Variants in GPC5 observed in about 807,000 individuals in gnomAD.
GPC5 encodes glypican-5.
GPC5 carries 47 observed loss-of-function variants against 53.9 expected under a neutral mutation model. That is an observed-to-expected ratio of 0.87 (90% CI 0.69 to 1.11). The LOEUF is 1.11. GPC5 is among the 50% of genes most tolerant of loss of function. The pLI, the probability that GPC5 is intolerant of heterozygous loss-of-function variation, is 0.00. For synonymous variants in GPC5, 286 were observed against 263.3 expected, an observed-to-expected ratio of 1.09 and a Z score of -0.84; for missense variants, 748 against 713.1, an observed-to-expected ratio of 1.05 and a Z score of -0.56.
At chr13:91,953,980 C>T (rs1295878061) in intron 6 of GPC5, among the ~76,000 whole-genome samples, 22 of 152,140 alleles carry the variant, frequency 1.4e-4, no homozygotes, top group Admixed American at 1.4e-3. Context: ...TCTATGCCAA[C>T]ATGCATGAAC....
intron 1 of GPC5, among the ~76,000 whole-genome samples, chr13:91,442,574 G>A (rs889329900): frequency 3.3e-5 from 5 of 152,122 alleles, no homozygotes; most frequent in Non-Finnish European, 5.9e-5. Flanking sequence ...TTGAGAATCT[G>A]GACCATTTGG....
chr13:92,459,881 C>A (rs1326298228), intron 7 of GPC5, among the ~76,000 whole-genome samples: 1 of 151,980 alleles, frequency 6.6e-6, no homozygotes, highest in Non-Finnish European at 1.5e-5. Flanking sequence ...AAAAGGCATT[C>A]TTTAGAAATA....
rs1253090733 is a variant in GPC5 at position 92,834,642 on chromosome 13, G to A, written c.1562-31640G>A. Reference sequence around the variant, plus strand: ...GAATATGAGAATATCTCTTCCTAACGTCTAATGTCTGTTCTCCCACATGCA... The same window carrying A: ...GAATATGAGAATATCTCTTCCTAACATCTAATGTCTGTTCTCCCACATGCA... On this transcript the variant is annotated intron_variant, in intron 7 of 7. Coordinates refer to ENST00000377067, the MANE Select transcript of GPC5 (RefSeq NM_004466.6). Among the ~76,000 whole-genome samples the A allele has an allele frequency of 3.9e-5, 6 of 152,104 alleles. No homozygotes were observed. In the South Asian group the frequency reaches 6.2e-4, roughly 16 times the overall value.
At chr13:92,608,700 G>A (rs1016101004) in intron 7 of GPC5, among the ~76,000 whole-genome samples, 3 of 152,132 alleles carry the variant, frequency 2.0e-5, no homozygotes, top group South Asian at 2.1e-4. Flanking sequence ...TTGCATGTGC[G>A]GAATCTGAGC....
intron 5 of GPC5, among the ~76,000 whole-genome samples, chr13:91,856,967 T>C (rs1181850149): frequency 6.6e-6 from 1 of 151,110 alleles, no homozygotes; most frequent in Non-Finnish European, 1.5e-5. Flanking sequence ...TTTTTCTTTT[T>C]TTTTTGACTT....
chr13:92,443,289 A>C (rs1327103714), intron 7 of GPC5, among the ~76,000 whole-genome samples: 2 of 152,202 alleles, frequency 1.3e-5, no homozygotes, highest in African/African-American at 2.4e-5. Flanking sequence ...TGCATGACCC[A>C]AACACCTCCC....
At chr13:92,431,114 G>A (rs1041435337) in intron 7 of GPC5, among the ~76,000 whole-genome samples, 10 of 151,964 alleles carry the variant, frequency 6.6e-5, no homozygotes, top group South Asian at 2.1e-4. Context: ...TTAGATTATC[G>A]TAACATATGT....
intron 7 of GPC5, among the ~76,000 whole-genome samples, chr13:92,729,194 A>G (rs921111187): frequency 1.3e-4 from 19 of 151,368 alleles, no homozygotes; most frequent in African/African-American, 4.4e-4. Flanking sequence ...AATGTGATCT[A>G]GATAAACTTT....
At chr13:92,757,926 A>G (rs1874968113) in intron 7 of GPC5, among the ~76,000 whole-genome samples, 1 of 151,532 alleles carries the variant, frequency 6.6e-6, no homozygotes, top group South Asian at 2.1e-4. Context: ...CAGTGTGGCG[A>G]TTCCTCAGGG....
intron 7 of GPC5, among the ~76,000 whole-genome samples, chr13:92,287,181 T>C (rs1221619089): frequency 6.6e-6 from 1 of 152,238 alleles, no homozygotes; most frequent in African/African-American, 2.4e-5. Flanking sequence ...ACTTTTCTAG[T>C]TTTTTACAGT....
chr13:92,754,435 C>T (rs1428233295), intron 7 of GPC5, among the ~76,000 whole-genome samples: 1 of 151,940 alleles, frequency 6.6e-6, no homozygotes, highest in African/African-American at 2.4e-5. Flanking sequence ...TGAGCGAAAT[C>T]ACCAGCTAAC....
chr13:91,852,974 A>G (rs760223710), intron 5 of GPC5, among the ~76,000 whole-genome samples: 5 of 152,046 alleles, frequency 3.3e-5, no homozygotes, highest in Admixed American at 6.5e-5. Context: ...GAACCAAACA[A>G]CTGAAGTCTG....
chr13:92,723,729 T>C (rs1181632095), intron 7 of GPC5, among the ~76,000 whole-genome samples: 1 of 151,684 alleles, frequency 6.6e-6, no homozygotes, highest in East Asian at 1.9e-4. Context: ...GAAATTTTCA[T>C]TTTAGGTTAG....
intron 7 of GPC5, among the ~76,000 whole-genome samples, chr13:92,366,040 G>T (rs562723105): frequency 6.6e-6 from 1 of 151,588 alleles, no homozygotes; most frequent in East Asian, 1.9e-4. Flanking sequence ...TATACAAGTG[G>T]CAGAGCAGTA....
chr13:91,726,668 ACT>A (rs1166545812), intron 3 of GPC5, among the ~76,000 whole-genome samples: 1 of 150,492 alleles, frequency 6.6e-6, no homozygotes, highest in Non-Finnish European at 1.5e-5. Context: ...TTCTGAGAAA[ACT>A]CTCTATCAAA....
Position 92,111,149 on chromosome 13 carries a change from T to G in GPC5, c.1402-33681T>G, listed in dbSNP as rs577552739. Among the ~76,000 whole-genome samples, 9 of 152,310 alleles carry G rather than the reference T, an allele frequency of 5.9e-5. 1 individual carries two copies. Among genetic ancestry groups the G allele is most frequent in the African/African-American group, 2.2e-4 (9 of 41,590 alleles). On this transcript the variant is annotated intron_variant, in intron 6 of 7. Transcript: ENST00000377067. Reference sequence around the variant, plus strand: ...ATATAGTTCTAATATAGAGGCTTCATGATATCACAAAACTAGCACTTCCTT... The same window carrying G: ...ATATAGTTCTAATATAGAGGCTTCAGGATATCACAAAACTAGCACTTCCTT...
At chr13:92,140,282 G>A (rs973832171) in intron 6 of GPC5, among the ~76,000 whole-genome samples, 2 of 152,134 alleles carry the variant, frequency 1.3e-5, no homozygotes, top group African/African-American at 2.4e-5. Flanking sequence ...GCTGGGTAGC[G>A]GGGAGCTGTG....
chr13:92,838,654 TACA>T (rs994046273), intron 7 of GPC5, among the ~76,000 whole-genome samples: 4 of 152,096 alleles, frequency 2.6e-5, no homozygotes, highest in African/African-American at 7.2e-5. Flanking sequence ...AGATGATCTT[TACA>T]ACAAGTTGTC....
At chr13:91,411,842 G>A (rs1274074113) in intron 1 of GPC5, among the ~76,000 whole-genome samples, 5 of 152,130 alleles carry the variant, frequency 3.3e-5, no homozygotes, top group Non-Finnish European at 5.9e-5. Context: ...CTTTAAATAT[G>A]TCAAGCCACA....
Sources: allele counts gnomAD v4.1 joint callset (sites outside exome capture counted in the v4.1 genomes callset), GRCh38; gene constraint gnomAD v4.1.1; transcripts MANE v1.5; gene names NCBI Gene and HGNC (gene_info 2026-07-23, HGNC 2026-07-21).